The following CENPI variants were observed in gnomAD, a reference collection of about 807,000 sequenced individuals.
CENPI encodes centromere protein I, also known as FSH primary response 1.
Under a neutral mutation model 60.4 loss-of-function variants are expected in CENPI, and 4 were observed. That is an observed-to-expected ratio of 0.07 (90% CI 0.03 to 0.15). The LOEUF (loss-of-function observed/expected upper bound fraction) is 0.15. Among genes scored for constraint, CENPI ranks in the 10% least tolerant of loss-of-function variants. CENPI has a pLI of 1.00. For synonymous variants in CENPI, 157 were observed against 189.4 expected (o/e 0.83, Z 1.40); for missense variants, 444 against 534.5 (o/e 0.83, Z 1.67).
chrX:101,132,442 A>G lies in CENPI; in HGVS notation c.1456A>G (p.Thr486Ala), dbSNP rs768920834. Residue 486 changes from threonine to alanine, a missense_variant, in exon 15 of 22, where the codon ACC becomes GCC. Thr to Ala is a moderately conservative substitution (Grantham distance 58). Transcript: ENST00000682095. ...DHLAQLFFTS[T>A]IYFKCSVLQS... Reference sequence around the variant, plus strand: ...TCTAGCGCAGCTCTTCTTTACATCAACCATTTATTTCAAGGTAACAAAAAC... The same window carrying G: ...TCTAGCGCAGCTCTTCTTTACATCAGCCATTTATTTCAAGGTAACAAAAAC... 6.6e-6 allele frequency: 8 copies of G among 1,206,361 alleles called. No homozygotes were observed. The African/African-American group carries it at 1.2e-4, about 18-fold the overall frequency.
At chrX:101,144,087 C>CTTTT (rs58858609) in intron 16 of CENPI, among the ~76,000 whole-genome samples, 62 of 79,617 alleles carry the variant, frequency 7.8e-4, no homozygotes, top group Non-Finnish European at 1.2e-3. Context: ...TTTTCTTTTT[C>CTTTT]TTTTTTTTTT....
At chrX:101,154,005 T>C (rs1348661257) in intron 20 of CENPI, among the ~76,000 whole-genome samples, 1 of 111,899 alleles carries the variant, frequency 8.9e-6, no homozygotes, top group African/African-American at 3.2e-5. Flanking sequence ...CACCATTTGT[T>C]GAAAAGGCTA....
At chrX:101,107,793 C>T (rs946974815) in intron 4 of CENPI, among the ~76,000 whole-genome samples, 8 of 109,426 alleles carry the variant, frequency 7.3e-5, no homozygotes, top group East Asian at 5.7e-4. Context: ...CTCAGCCTCC[C>T]GAGTGGCTGG....
the CENPI span, among the ~76,000 whole-genome samples, chrX:101,171,232 AAC>A: frequency 9.0e-6 from 1 of 111,464 alleles, no homozygotes; most frequent in African/African-American, 3.3e-5. Context: ...CAGGGGAGCC[AAC>A]ACAGTTCAAT....
downstream of CENPI, among the ~76,000 whole-genome samples, chrX:101,167,825 T>G (rs2090148097): frequency 8.9e-6 from 1 of 112,439 alleles, no homozygotes; most frequent in African/African-American, 3.2e-5. Context: ...CAACTTCATG[T>G]TGCAGAAGAG....
At chrX:101,162,490 AT>A (rs1244869079) in intron 21 of CENPI, among the ~76,000 whole-genome samples, 7 of 102,268 alleles carry the variant, frequency 6.8e-5, no homozygotes, top group African/African-American at 2.5e-4. Flanking sequence ...ATATATATAT[AT>A]AATTATCTCA....
intron 20 of CENPI, among the ~76,000 whole-genome samples, chrX:101,158,272 CTTTTTTTTTTTT>C (rs35564589): frequency 3.0e-5 from 2 of 65,881 alleles, no homozygotes; most frequent in Admixed American, 1.9e-4. Flanking sequence ...GGCAGTATGG[CTTTTTTTTTTTT>C]TTTTTTTTTT....
the CENPI span, among the ~76,000 whole-genome samples, chrX:101,179,872 A>AT: frequency 8.9e-6 from 1 of 111,775 alleles, no homozygotes. Context: ...ACTAGACCTT[A>AT]TGGTAATTCT....
chrX:101,177,314 G>GTGCAGGTGAGTACCAGC, the CENPI span, among the ~76,000 whole-genome samples: 3,835 of 111,466 alleles, frequency 0.034, 226 homozygotes, highest in African/African-American at 0.12. Flanking sequence ...CAAGTGGCAT[G>GTGCAGGTGAGTACCAGC]TGCAGGTGAG....
chrX:101,126,818 G>C lies in CENPI; in HGVS notation c.777+20G>C, dbSNP rs766051399. On this transcript the variant is annotated intron_variant, in intron 9 of 21. Transcript: ENST00000682095. ...AAGAAGGTAAGGGATTAAGGAGAGA[G>C]AAATCATATTAAGATTGAAATATGT... 1 of 1,090,864 alleles carries C rather than the reference G, an allele frequency of 9.2e-7. No homozygotes were observed. The highest frequency in any genetic ancestry group is 1.9e-5 in the South Asian group (1 of 51,740). 89.9% of individuals were successfully genotyped at this position (1,090,864 alleles called of 1,213,427 possible). A position where few individuals can be genotyped will look rare whatever the true frequency, so the allele number is the denominator to read the frequency against.
At chrX:101,151,155 A>G (rs1358799701) in intron 20 of CENPI, among the ~76,000 whole-genome samples, 1 of 111,920 alleles carries the variant, frequency 8.9e-6, no homozygotes, top group Non-Finnish European at 1.9e-5. Context: ...TCCCTGAACT[A>G]TAGGAGGTTA....
intron 4 of CENPI, among the ~76,000 whole-genome samples, chrX:101,108,030 C>T (rs1284986041): frequency 9.1e-6 from 1 of 109,655 alleles, no homozygotes; most frequent in African/African-American, 3.3e-5. Context: ...GCTAGAATTA[C>T]AGGCGTGAGC....
At chrX:101,118,477 TAAG>T (rs2089644977) in intron 6 of CENPI, among the ~76,000 whole-genome samples, 2 of 112,219 alleles carry the variant, frequency 1.8e-5, no homozygotes, top group Admixed American at 9.5e-5. Flanking sequence ...GAATAGGAAA[TAAG>T]AAGAGACGCT....
intron 21 of CENPI, among the ~76,000 whole-genome samples, chrX:101,162,473 A>AATATATAT (rs1556409815): frequency 2.3e-4 from 16 of 68,102 alleles, no homozygotes; most frequent in African/African-American, 9.6e-4. Flanking sequence ...AAAAAAAAAA[A>AATATATAT]ATATATATAT....
intron 20 of CENPI, among the ~76,000 whole-genome samples, chrX:101,156,009 C>CT (rs1216040036): frequency 1.3e-4 from 9 of 69,299 alleles, no homozygotes; most frequent in Admixed American, 1.6e-4. Flanking sequence ...AACTTATCCT[C>CT]TTTTTTTTTT....
At chrX:101,174,276 C>T in the CENPI span, among the ~76,000 whole-genome samples, 9 of 111,612 alleles carry the variant, frequency 8.1e-5, no homozygotes, top group African/African-American at 2.6e-4. Context: ...ATATCTGTAT[C>T]TCCCATGAGA....
the CENPI span, among the ~76,000 whole-genome samples, chrX:101,175,340 C>T: frequency 8.9e-6 from 1 of 111,867 alleles, no homozygotes; most frequent in Non-Finnish European, 1.9e-5. Flanking sequence ...ACCACCTACC[C>T]CTGTTGGATA....
At chrX:101,113,729 G>T (rs1344614929) in intron 6 of CENPI, among the ~76,000 whole-genome samples, 1 of 112,463 alleles carries the variant, frequency 8.9e-6, no homozygotes, top group African/African-American at 3.2e-5. Context: ...TTGGCTAAAA[G>T]TGTATTTTTT....
chrX:101,175,813 T>C, the CENPI span, among the ~76,000 whole-genome samples: 1,286 of 111,754 alleles, frequency 0.012, 22 homozygotes, highest in African/African-American at 0.04. Flanking sequence ...CTATTCTAGC[T>C]ATCAAAATAT....
Sources: gnomAD v4.1 joint callset for allele counts (sites outside exome capture counted in the v4.1 genomes callset) on GRCh38, gnomAD v4.1.1 for gene constraint, MANE v1.5 for transcripts, NCBI Gene and HGNC (gene_info 2026-07-23, HGNC 2026-07-21) for gene names.